Variants in RNASET2 observed in about 807,000 individuals in gnomAD.
RNASET2 encodes the protein ribonuclease T2, also known as ribonuclease 6.
Under a neutral mutation model 33.9 loss-of-function variants are expected in RNASET2, and 28 were observed. The ratio of observed to expected loss-of-function variants is 0.83; its 90% CI spans 0.61 to 1.13. The LOEUF is 1.13. Among genes scored for constraint, RNASET2 ranks in the 50% most tolerant of loss-of-function variants. RNASET2 has a pLI of 0.00. For missense variants in RNASET2, 330 were observed against 319.9 expected (o/e 1.03, Z -0.24); for synonymous variants, 123 against 121.0 (o/e 1.02, Z -0.11).
At chr6:166,954,980 G>A (rs1427763154) in intron 1 of RNASET2, among the ~76,000 whole-genome samples, 1 of 152,034 alleles carries the variant, frequency 6.6e-6, no homozygotes, top group Non-Finnish European at 1.5e-5. Flanking sequence ...GACAGAGTAA[G>A]ACTGTCTAAA....
At position 166,933,004 on chromosome 6, in the gene RNASET2, C is replaced by T. The variant is rs1206985325; in HGVS notation, c.492+1087G>A. ...AAATGGCTGCACAGGTAAGCAGACA[C>T]CATGAGAGCAAAGACACTGTTGCCA... On this transcript the variant is annotated intron_variant, in intron 7 of 8. Coordinates refer to ENST00000508775, the MANE Select transcript of RNASET2 (RefSeq NM_003730.6). This position sits in a 1 kb window ranked among gnomAD's most constrained non-coding sequence, Gnocchi z 4.1. 6.6e-6 allele frequency: 1 copy of T among 152,226 alleles called. No homozygotes were observed. The highest frequency in any genetic ancestry group is 1.5e-5 in the Non-Finnish European group (1 of 68,044). 9.4% of individuals were successfully genotyped at this position (152,226 alleles called of 1,614,324 possible). A position where few individuals can be genotyped will look rare whatever the true frequency, so the allele number is the denominator to read the frequency against.
At chr6:166,934,024 G>T in intron 7 of RNASET2, 67 bp downstream of exon 7, 2 of 1,148,108 alleles carry the variant, frequency 1.7e-6, no homozygotes, top group Non-Finnish European at 2.7e-6. Context: ...TGACTCAGAG[G>T]CTGAAACGGC....
At chr6:166,943,575 GT>G in intron 4 of RNASET2, 1 of 338,182 alleles carries the variant, frequency 3.0e-6, no homozygotes. Context: ...GGCTCAGGGG[GT>G]TTAGGGCCAG....
chr6:166,942,952 C>A (rs1200592541), intron 5 of RNASET2, 67 bp downstream of exon 5: 1 of 1,283,554 alleles, frequency 7.8e-7, no homozygotes, highest in African/African-American at 1.5e-5. Flanking sequence ...CCACTTCTAG[C>A]GATTCATCAC....
intron 2 of RNASET2, among the ~76,000 whole-genome samples, chr6:166,949,368 G>A (rs765912856): frequency 3.3e-5 from 5 of 151,400 alleles, no homozygotes; most frequent in Non-Finnish European, 5.9e-5. Flanking sequence ...AGGTGTGGTG[G>A]TGGGCTCCTA....
chr6:166,930,466 T>TACAC (rs369381631), intron 8 of RNASET2, among the ~76,000 whole-genome samples: 3 of 148,940 alleles, frequency 2.0e-5, no homozygotes, highest in African/African-American at 4.9e-5. Flanking sequence ...CACATGCATG[T>TACAC]ACACACACAC....
intron 4 of RNASET2, among the ~76,000 whole-genome samples, chr6:166,944,928 A>C (rs957131597): frequency 1.7e-3 from 108 of 62,402 alleles, no homozygotes; most frequent in Admixed American, 2.8e-3. Context: ...CTGCCCCCTC[A>C]CCCACCCACG....
intron 2 of RNASET2, among the ~76,000 whole-genome samples, chr6:166,949,500 CAAAAAAAAAAAAAAA>C (rs61621125): frequency 2.3e-5 from 1 of 44,398 alleles, no homozygotes; most frequent in African/African-American, 7.7e-5. Flanking sequence ...GACTCCATCT[CAAAAAAAAAAAAAAA>C]AAAAAAAAAA....
At chr6:166,954,090 G>A (rs1174241930) in intron 1 of RNASET2, among the ~76,000 whole-genome samples, 1 of 152,184 alleles carries the variant, frequency 6.6e-6, no homozygotes, top group Non-Finnish European at 1.5e-5. Flanking sequence ...ACCAGGCAGA[G>A]TGATGTGACT....
chr6:166,946,065 G>A (rs547524839), intron 4 of RNASET2, among the ~76,000 whole-genome samples: 1 of 152,282 alleles, frequency 6.6e-6, no homozygotes, highest in East Asian at 1.9e-4. Flanking sequence ...AAGGAAAGAT[G>A]AGGGCGTGTG....
intron 5 of RNASET2, among the ~76,000 whole-genome samples, chr6:166,942,515 C>T (rs1340480851): frequency 1.3e-5 from 2 of 152,210 alleles, no homozygotes; most frequent in Admixed American, 6.5e-5. Context: ...GGGTCTCACC[C>T]TGTCACCTAG....
intron 4 of RNASET2, 30 bp from the exon 5 acceptor site, chr6:166,943,119 G>T (rs779006295): frequency 1.3e-6 from 2 of 1,545,250 alleles, no homozygotes; most frequent in Non-Finnish European, 1.8e-6. Flanking sequence ...ATAAGTCTAC[G>T]CAGGTTCTTA....
At chr6:166,946,155 C>T (rs9459809) in intron 4 of RNASET2, among the ~76,000 whole-genome samples, 6 of 152,158 alleles carry the variant, frequency 3.9e-5, no homozygotes, top group African/African-American at 1.4e-4. Flanking sequence ...AATAAATTCC[C>T]GCCCTGTGAG....
chr6:166,940,856 C>T (rs776553928), intron 5 of RNASET2, among the ~76,000 whole-genome samples: 5 of 152,040 alleles, frequency 3.3e-5, no homozygotes, highest in Non-Finnish European at 7.4e-5. Context: ...CAGCCAGGAG[C>T]GGATGTCCCA....
At chr6:166,953,972 G>A (rs772040230) in intron 1 of RNASET2, among the ~76,000 whole-genome samples, 8 of 151,770 alleles carry the variant, frequency 5.3e-5, no homozygotes, top group Middle Eastern at 3.2e-3. Flanking sequence ...TTACATAGTC[G>A]GAACCTGAGG....
At chr6:166,934,228 A>G in intron 6 of RNASET2, 92 bp from the exon 7 acceptor site, 1 of 853,464 alleles carries the variant, frequency 1.2e-6, no homozygotes, top group Non-Finnish European at 2.0e-6. Flanking sequence ...GGTAAAAATT[A>G]AGACACTCTT....
chr6:166,954,776 G>A (rs1779065480), intron 1 of RNASET2, among the ~76,000 whole-genome samples: 1 of 152,234 alleles, frequency 6.6e-6, no homozygotes, highest in African/African-American at 2.4e-5. Context: ...CACTTTGGGA[G>A]GCCGAGGCGG....
At chr6:166,955,280 CGACACACACGCACAG>C (rs1437309209) in intron 1 of RNASET2, among the ~76,000 whole-genome samples, 21 of 75,354 alleles carry the variant, frequency 2.8e-4, no homozygotes, top group African/African-American at 1.5e-3. Flanking sequence ...CGCGCACACA[CGACACACACGCACAG>C]ACGCGCACAC....
Position 166,929,860 on chromosome 6 carries a change from G to T in RNASET2, c.568-69C>A, listed in dbSNP as rs572859543. 5.8e-5 allele frequency: 80 copies of T among 1,375,466 alleles called. No homozygotes were observed. In the South Asian group the frequency reaches 8.6e-4, roughly 15 times the overall value. The allele number at this position is 1,375,466 out of a possible 1,614,324, so 85.2% of individuals were successfully genotyped here. On this transcript the variant is annotated intron_variant, in intron 8 of 8. Transcript: ENST00000508775. Reference sequence around the variant, plus strand: ...ATTATCATCAAGGTCTTAAGATCATGAACTTTTAGAACTTTTAGAAGATAA... The same window carrying T: ...ATTATCATCAAGGTCTTAAGATCATTAACTTTTAGAACTTTTAGAAGATAA...
Sources: allele counts gnomAD v4.1 joint callset (sites outside exome capture counted in the v4.1 genomes callset), GRCh38; gene constraint gnomAD v4.1.1; non-coding constraint Gnocchi (gnomAD v3.1); transcripts MANE v1.5; gene names NCBI Gene and HGNC (gene_info 2026-07-23, HGNC 2026-07-21).